CTBP2: variants seen among roughly 807,000 people sequenced by gnomAD.
CTBP2 encodes C-terminal binding protein 2.
Under a neutral mutation model 80.3 loss-of-function variants are expected in CTBP2, and 30 were observed. The ratio of observed to expected loss-of-function variants is 0.37; its 90% CI spans 0.28 to 0.51. The LOEUF is 0.51. Ranked by LOEUF, CTBP2 falls within the 20% of genes least tolerant of loss-of-function variation. The pLI is 0.93. For synonymous variants in CTBP2, 594 were observed against 587.4 expected (o/e 1.01, Z -0.16); for missense variants, 1,212 against 1,375.3 (o/e 0.88, Z 1.88).
In CTBP2 at chr10:125,027,340, T is replaced by TC; in HGVS notation, c.419dup (p.Val141SerfsTer31). The TC allele has an allele frequency of 6.2e-7, 1 of 1,613,608 alleles. No individual in the cohort carries two copies. Among genetic ancestry groups the TC allele is most frequent in the East Asian group, 2.2e-5 (1 of 44,884 alleles). ...CCCATGACGTTCTGCTGCCAAGCAC[T>TC]CCGTAGCTGGGGACCGGCCGGCTGA... On this transcript the variant is annotated frameshift_variant, in exon 1 of 9. Transcript: ENST00000309035. LOFTEE classifies it high-confidence loss of function.
chr10:125,135,025 G>C (rs935790073), intron 1 of CTBP2, among the ~76,000 whole-genome samples: 9 of 152,140 alleles, frequency 5.9e-5, no homozygotes, highest in African/African-American at 1.7e-4. Flanking sequence ...CCCGTCATAG[G>C]CAGCGGCAAG....
intron 1 of CTBP2, among the ~76,000 whole-genome samples, chr10:125,120,119 C>A (rs939785907): frequency 6.6e-5 from 10 of 152,272 alleles, no homozygotes; most frequent in African/African-American, 2.4e-4. Context: ...AGAGACACAG[C>A]GAGAATCCCT....
chr10:125,019,517 C>T (rs1256080775), intron 1 of CTBP2, among the ~76,000 whole-genome samples: 12 of 151,934 alleles, frequency 7.9e-5, no homozygotes, highest in Admixed American at 7.9e-4. Flanking sequence ...TGTTAGTTTC[C>T]AAATGCAAGA....
At chr10:124,995,641 A>G (rs1379361420) in intron 4 of CTBP2, among the ~76,000 whole-genome samples, 1 of 152,222 alleles carries the variant, frequency 6.6e-6, no homozygotes, top group Non-Finnish European at 1.5e-5. Flanking sequence ...GGCTAGGACA[A>G]CTGCCGTAGT....
chr10:125,057,475 T>C (rs1350099096), intron 2 of CTBP2, among the ~76,000 whole-genome samples: 1 of 152,104 alleles, frequency 6.6e-6, no homozygotes, highest in Non-Finnish European at 1.5e-5. Context: ...GGCAATTAGC[T>C]CTTTGTCCAT....
chr10:125,013,365 G>A (rs984464549), intron 1 of CTBP2, among the ~76,000 whole-genome samples: 1 of 152,218 alleles, frequency 6.6e-6, no homozygotes, highest in Non-Finnish European at 1.5e-5. Context: ...GGAAGCTGGG[G>A]AAATACCTGA....
At position 125,027,359 on chromosome 10, in the gene CTBP2, C is replaced by T. The variant is rs148541393; in HGVS notation, c.401G>A (p.Arg134Gln). The T allele has an allele frequency of 3.8e-5, 62 of 1,613,532 alleles. 1 individual carries two copies. The highest frequency in any genetic ancestry group is 1.6e-4 in the East Asian group (7 of 44,882). ...AAGCACTCCGTAGCTGGGGACCGGC[C>T]GGCTGACTCCTGGGTCCCGATAGAG... Residue 134 changes from arginine (R) to glutamine (Q), a missense_variant, in exon 1 of 9, where the codon CGG (arginine) becomes CAG (glutamine). Physicochemically the swap from Arg to Gln is conservative, Grantham distance 43 (BLOSUM62 1). Around this residue, in one of 3 missense-constraint regions of CTBP2, gnomAD observed 848 missense variants for 782.3 expected, o/e 1.08. Coordinates refer to ENST00000309035, the MANE Select transcript of CTBP2 (RefSeq NM_022802.3).
chr10:125,036,083 GTC>G (rs1958836486), intron 3 of CTBP2, among the ~76,000 whole-genome samples: 1 of 152,186 alleles, frequency 6.6e-6, no homozygotes, highest in African/African-American at 2.4e-5. Flanking sequence ...CCCAAAGACT[GTC>G]TGTGTCCTGC....
chr10:125,037,757 G>A (rs1959038159), intron 3 of CTBP2, among the ~76,000 whole-genome samples: 1 of 152,172 alleles, frequency 6.6e-6, no homozygotes, highest in Non-Finnish European at 1.5e-5. Flanking sequence ...TCCGGTACTG[G>A]GAGCAGTACG....
intron 1 of CTBP2, among the ~76,000 whole-genome samples, chr10:125,025,681 T>C (rs145290453): frequency 3.3e-5 from 5 of 152,328 alleles, no homozygotes; most frequent in African/African-American, 1.2e-4. Context: ...CAGCATTTGA[T>C]GAAACGTTCC....
At chr10:125,084,605 C>T (rs954631938) in intron 2 of CTBP2, among the ~76,000 whole-genome samples, 2 of 152,106 alleles carry the variant, frequency 1.3e-5, no homozygotes, top group Non-Finnish European at 1.5e-5. Context: ...CTCAGGGGTC[C>T]GGGGGTGGCC....
At chr10:125,048,189 T>C (rs1333209870) in intron 2 of CTBP2, among the ~76,000 whole-genome samples, 2 of 152,062 alleles carry the variant, frequency 1.3e-5, no homozygotes, top group African/African-American at 2.4e-5. Context: ...GTTGCAGCCC[T>C]TCCTGGGAGC....
At chr10:125,153,269 G>T (rs1187127465) in intron 1 of CTBP2, among the ~76,000 whole-genome samples, 1 of 152,224 alleles carries the variant, frequency 6.6e-6, no homozygotes, top group African/African-American at 2.4e-5. Context: ...CGCTGCTGGC[G>T]CTGGCTGTAC....
intron 3 of CTBP2, chr10:124,999,399 C>A (rs555255919): frequency 6.6e-6 from 1 of 152,248 alleles, no homozygotes; most frequent in Non-Finnish European, 1.5e-5. Context: ...GGGGTGGGGA[C>A]GGCAATCACC....
intron 1 of CTBP2, among the ~76,000 whole-genome samples, chr10:125,121,487 T>C (rs145742566): frequency 3.9e-5 from 6 of 152,334 alleles, no homozygotes; most frequent in Admixed American, 2.6e-4. Context: ...TGCTGTGGAA[T>C]GGAGCAGCAG....
intron 2 of CTBP2, among the ~76,000 whole-genome samples, chr10:125,060,829 C>T (rs909073083): frequency 1.3e-5 from 2 of 152,202 alleles, no homozygotes; most frequent in African/African-American, 2.4e-5. Flanking sequence ...GACACGAAGC[C>T]GAGGCCAGGA....
At chr10:125,014,679 G>A (rs768765373) in intron 1 of CTBP2, among the ~76,000 whole-genome samples, 1 of 152,204 alleles carries the variant, frequency 6.6e-6, no homozygotes, top group East Asian at 1.9e-4. Flanking sequence ...GCCGAGACGG[G>A]AACACCAGCC....
chr10:125,068,211 C>A (rs1333522671), intron 2 of CTBP2, among the ~76,000 whole-genome samples: 1 of 152,188 alleles, frequency 6.6e-6, no homozygotes, highest in Non-Finnish European at 1.5e-5. Context: ...TCCTGATCTG[C>A]GAAGGACACG....
intron 3 of CTBP2, chr10:125,001,149 G>A (rs1228845995): frequency 6.6e-6 from 1 of 152,224 alleles, no homozygotes; most frequent in East Asian, 1.9e-4. Context: ...CTGCCTGTGC[G>A]GGGCACTTCT....
Sources: allele counts gnomAD v4.1 joint callset (sites outside exome capture counted in the v4.1 genomes callset), GRCh38; gene constraint gnomAD v4.1.1; regional missense constraint gnomAD v4.1.1; transcripts MANE v1.5; gene names NCBI Gene and HGNC (gene_info 2026-07-23, HGNC 2026-07-21).